Variants in SBNO2 observed in about 807,000 individuals in gnomAD.
SBNO2 encodes protein strawberry notch homolog 2.
A neutral mutation model predicts 146.3 loss-of-function variants in SBNO2; 89 were observed. That is an observed-to-expected ratio of 0.61 (90% CI 0.51 to 0.73). The LOEUF (loss-of-function observed/expected upper bound fraction) is 0.73. SBNO2 is among the 30% of genes least tolerant of loss of function. The pLI is 0.00. For synonymous variants in SBNO2, 1,147 were observed against 892.6 expected (o/e 1.29, Z -5.08); for missense variants, 2,092 against 2,003.7 (o/e 1.04, Z -0.84).
intron 4 of SBNO2, among the ~76,000 whole-genome samples, chr19:1,143,662 C>G (rs993468146): frequency 1.3e-5 from 2 of 152,142 alleles, no homozygotes; most frequent in Non-Finnish European, 2.9e-5. Context: ...CTTCTTCCCC[C>G]TTCACGGCCA....
At chr19:1,165,369 C>T (rs1406745525) in intron 1 of SBNO2, among the ~76,000 whole-genome samples, 3 of 152,186 alleles carry the variant, frequency 2.0e-5, no homozygotes, top group Non-Finnish European at 2.9e-5. Context: ...AGGGGGACGT[C>T]GTGGCTGAGA....
rs922754483 is a variant in SBNO2 at position 1,126,571 on chromosome 19, G to A, written c.441+1033C>T. ...CCTGATGCTTCCTGAGCCGCCCACC[G>A]TGAGCCACCCACCGTGGCTGCGGGG... On this transcript the variant is annotated intron_variant, in intron 5 of 31. Coordinates refer to ENST00000361757, the MANE Select transcript of SBNO2 (RefSeq NM_014963.3). The surrounding 1 kb of genome is among the most constrained non-coding windows in gnomAD (Gnocchi z 4.4). Among the ~76,000 whole-genome samples the A allele has an allele frequency of 1.3e-5, 2 of 151,712 alleles. No homozygotes were observed. Among genetic ancestry groups the A allele is most frequent in the African/African-American group, 2.4e-5 (1 of 41,378 alleles).
chr19:1,113,565 GT>G lies in SBNO2; in HGVS notation c.2216del (p.Asp739AlafsTer12). ...CCACCCGCTGGGGGCCGCCCAGCTG[GT>G]CGATGAGCTCGTCCAGGGTGTTGAC... ...LPVNTLDELI[D>X]QLGGPQRVAE... On this transcript the variant is annotated frameshift_variant, in exon 19 of 32. Transcript: ENST00000361757. LOFTEE classifies it high-confidence loss of function. The G allele has an allele frequency of 6.2e-7, 1 of 1,602,162 alleles. No individual in the cohort carries two copies. Among genetic ancestry groups the G allele is most frequent in the Non-Finnish European group, 8.5e-7 (1 of 1,175,562 alleles).
intron 4 of SBNO2, among the ~76,000 whole-genome samples, chr19:1,143,916 C>T (rs553956497): frequency 1.3e-5 from 2 of 152,342 alleles, no homozygotes; most frequent in Non-Finnish European, 2.9e-5. Context: ...GGCGACACGG[C>T]GGCAGGTCCT....
intron 1 of SBNO2, among the ~76,000 whole-genome samples, chr19:1,165,694 TCAGACCC>T (rs1372089424): frequency 2.8e-4 from 8 of 28,328 alleles, no homozygotes; most frequent in Admixed American, 4.3e-4. Context: ...ACCCCAGATC[TCAGACCC>T]CAGACCCCAG....
chr19:1,119,993 T>G lies in SBNO2; in HGVS notation c.1180A>C (p.Asn394His). The change falls in exon 12 of 32, where the codon AAT becomes CAT. Residue 394 changes from asparagine (N) to histidine (H), a missense_variant. By Grantham distance (68) the Asn-to-His change is moderately conservative. Coordinates refer to ENST00000361757, the MANE Select transcript of SBNO2 (RefSeq NM_014963.3). The stretch of plus-strand genomic sequence containing the variant: ...TTGCCCATCTTGGTGGAGCCGGCAT[T>G]CTTGGCTTTGTGACACTCGTCGAAC... ...IVFDECHKAK[N>H]AGSTKMGKAV... 1 of 1,549,422 alleles carries G rather than the reference T, an allele frequency of 6.5e-7. No individual in the cohort carries two copies. The highest frequency in any genetic ancestry group is 8.7e-7 in the Non-Finnish European group (1 of 1,146,422).
At position 1,110,730 on chromosome 19, in the gene SBNO2, G is replaced by A. The variant is rs375689865; in HGVS notation, c.3028+15C>T. The A allele has an allele frequency of 8.3e-5, 125 of 1,512,774 alleles. No homozygotes were observed. The highest frequency in any genetic ancestry group is 3.4e-4 in the South Asian group (31 of 89,956). 93.7% of individuals were successfully genotyped at this position (1,512,774 alleles called of 1,614,324 possible). A position where few individuals can be genotyped will look rare whatever the true frequency, so the allele number is the denominator to read the frequency against. ...CCCACACCCACCCACACCACACCCC[G>A]GCACCTGTGCTCACCCAGGATGCCC... On this transcript the variant is annotated intron_variant, in intron 26 of 31. Transcript: ENST00000361757. The surrounding 1 kb of genome is among the most constrained non-coding windows in gnomAD (Gnocchi z 4.9).
chr19:1,127,801 G>C, intron 4 of SBNO2, 36 bp from the exon 5 acceptor site: 3 of 1,601,010 alleles, frequency 1.9e-6, no homozygotes, highest in Non-Finnish European at 2.6e-6. Flanking sequence ...AGGGTGGTAC[G>C]GGAGACACCA....
intron 4 of SBNO2, among the ~76,000 whole-genome samples, chr19:1,132,538 C>T (rs1189282779): frequency 6.6e-6 from 1 of 152,190 alleles, no homozygotes; most frequent in African/African-American, 2.4e-5. Context: ...AGCTGGGTTC[C>T]GTTCCACGGG....
In SBNO2 at chr19:1,140,882, G is replaced by A. The variant is rs1297281351; in HGVS notation, c.279+6427C>T. Among the ~76,000 whole-genome samples the A allele has an allele frequency of 2.0e-5, 3 of 152,134 alleles. No individual in the cohort carries two copies. The highest frequency in any genetic ancestry group is 2.1e-4 in the South Asian group (1 of 4,834). On this transcript the variant is annotated intron_variant, in intron 4 of 31. Transcript: ENST00000361757. This position sits in a 1 kb window ranked among gnomAD's most constrained non-coding sequence, Gnocchi z 4.4. ...AAAGTTACCAGCATCAGCACAACAC[G>A]CGCAACGCCAGGCACTCCGGTCCAC...
At position 1,119,533 on chromosome 19, in the gene SBNO2, C is replaced by G; in HGVS notation, c.1356G>C (p.Leu452=). Residue 452 remains leucine (L), a synonymous_variant, in exon 13 of 32, where the codon CTG becomes CTC. Coordinates refer to ENST00000361757, the MANE Select transcript of SBNO2 (RefSeq NM_014963.3). ...GTPFRNFEEF[L]HAIEKRGVGA... ...GCACTCACCTCTTCTCGATGGCGTG[C>G]AGGAACTCCTCAAAGTTCCGGAAGG... 6.2e-7 allele frequency: 1 copy of G among 1,609,498 alleles called. No individual in the cohort carries two copies. The highest frequency in any genetic ancestry group is 8.5e-7 in the Non-Finnish European group (1 of 1,178,124).
chr19:1,113,045 C>T (rs369053786), intron 19 of SBNO2, 96 bp from the exon 20 acceptor site: 1 of 1,399,286 alleles, frequency 7.1e-7, no homozygotes, highest in South Asian at 1.4e-5. Context: ...CTACAGTGGT[C>T]ATGGGCTCCC....
chr19:1,148,042 A>T (rs1425745451), intron 3 of SBNO2, among the ~76,000 whole-genome samples: 1 of 152,044 alleles, frequency 6.6e-6, no homozygotes, highest in Non-Finnish European at 1.5e-5. Context: ...CCCCTTGGCC[A>T]GCTCCTGCGC....
At chr19:1,171,081 AAC>A (rs1162060226) in intron 1 of SBNO2, among the ~76,000 whole-genome samples, 2 of 151,342 alleles carry the variant, frequency 1.3e-5, no homozygotes, top group Non-Finnish European at 2.9e-5. Flanking sequence ...ACACAACACA[AAC>A]ACGGGTGCAC....
At chr19:1,135,036 ACT>A (rs1478566083) in intron 4 of SBNO2, among the ~76,000 whole-genome samples, 1 of 125,366 alleles carries the variant, frequency 8.0e-6, no homozygotes, top group Non-Finnish European at 1.6e-5. Flanking sequence ...ACAGAGCAAG[ACT>A]CTGTCTCAAA....
intron 23 of SBNO2, among the ~76,000 whole-genome samples, 164 bp from the exon 24 acceptor site, chr19:1,111,778 G>T (rs1253207930): frequency 6.7e-6 from 1 of 150,154 alleles, no homozygotes; most frequent in East Asian, 2.0e-4. Flanking sequence ...CCTCCCCGGG[G>T]GTCCTAGACT....
At chr19:1,118,743 G>C (rs981074960) in intron 14 of SBNO2, among the ~76,000 whole-genome samples, 1 of 152,052 alleles carries the variant, frequency 6.6e-6, no homozygotes, top group African/African-American at 2.4e-5. Flanking sequence ...GTGGAGGCGG[G>C]CACCTGTAAC....
rs777077275 is a variant in SBNO2, at chr19:1,110,695, G to A, written c.3028+50C>T. 73 of 1,548,042 alleles carry A rather than the reference G, an allele frequency of 4.7e-5. No homozygotes were observed. Among genetic ancestry groups the A allele is most frequent in the East Asian group, 1.2e-4 (5 of 41,678 alleles). On this transcript the variant is annotated intron_variant, in intron 26 of 31. Transcript: ENST00000361757. The surrounding 1 kb of genome is among the most constrained non-coding windows in gnomAD (Gnocchi z 4.9). ...CACCCAGGATGCATGGCGTTCCCAC[G>A]AGCCCCGCACCCACACCCACCCACA...
intron 1 of SBNO2, among the ~76,000 whole-genome samples, chr19:1,172,757 T>G (rs2080490321): frequency 1.6e-5 from 2 of 123,294 alleles, no homozygotes; most frequent in South Asian, 2.6e-4. Flanking sequence ...TCTGCCCCTC[T>G]GTAAAACACT....
Sources: allele counts gnomAD v4.1 joint callset (sites outside exome capture counted in the v4.1 genomes callset), GRCh38; gene constraint gnomAD v4.1.1; non-coding constraint Gnocchi (gnomAD v3.1); transcripts MANE v1.5; gene names NCBI Gene and HGNC (gene_info 2026-07-23, HGNC 2026-07-21).